DLG2: variants seen among roughly 807,000 people sequenced by gnomAD.
DLG2 encodes discs large MAGUK scaffold protein 2.
In DLG2, 45 loss-of-function variants were observed where a neutral mutation model predicts 132.5. The observed-to-expected ratio is 0.34, with a 90% CI of 0.27 to 0.44. The LOEUF is 0.44. DLG2 is among the 20% of genes least tolerant of loss of function. The pLI is 1.00. For synonymous variants in DLG2, 424 were observed against 419.6 expected, an observed-to-expected ratio of 1.01 and a Z score of -0.13; for missense variants, 1,045 against 1,196.9, an observed-to-expected ratio of 0.87 and a Z score of 1.87.
chr11:85,272,919 A>G (rs554088416), intron 4 of DLG2, among the ~76,000 whole-genome samples: 6 of 152,192 alleles, frequency 3.9e-5, no homozygotes, highest in South Asian at 4.1e-4. Flanking sequence ...TAGACCAATG[A>G]AACAGAACAG....
chr11:84,546,689 A>G (rs974099695), intron 6 of DLG2: 9 of 523,672 alleles, frequency 1.7e-5, no homozygotes, highest in Non-Finnish European at 2.6e-5. Flanking sequence ...CCCTGGAGCA[A>G]TTGGTGTTTG....
At chr11:84,026,003 TA>T (rs922320277) in intron 11 of DLG2, among the ~76,000 whole-genome samples, 13 of 151,976 alleles carry the variant, frequency 8.6e-5, no homozygotes, top group Admixed American at 1.3e-4. Flanking sequence ...TTCTGAAACT[TA>T]AAAAAAATTA....
rs111583314 is a variant in DLG2 at position 85,193,636 on chromosome 11, G to T, written c.187-38985C>A. ...CATTTCCCTAATGATTAATGTTATC[G>T]ATCATCTTTTTGTGTGTTTTAGCCA... On this transcript the variant is annotated intron_variant, in intron 4 of 27. Coordinates refer to ENST00000376104, the MANE Select transcript of DLG2 (RefSeq NM_001142699.3). Among the ~76,000 whole-genome samples, 438 of 152,102 alleles carry T rather than the reference G, an allele frequency of 2.9e-3. 2 individuals are homozygous for T. Among genetic ancestry groups the T allele is most frequent in the African/African-American group, 0.01 (420 of 41,492 alleles).
At chr11:84,287,683 T>A (rs1425493627) in intron 7 of DLG2, among the ~76,000 whole-genome samples, 1 of 151,320 alleles carries the variant, frequency 6.6e-6, no homozygotes, top group Non-Finnish European at 1.5e-5. Flanking sequence ...TCTCCTTTCT[T>A]CTCTCTTCCT....
rs192219263 is a variant in DLG2 at position 84,973,845 on chromosome 11, A to G, written c.357+137816T>C. ...TTCCATGAATACTTAATTTATAGAT[A>G]CTGAAATTTGAATTATGTATAATTT... On this transcript the variant is annotated intron_variant, in intron 6 of 27. Coordinates refer to ENST00000376104, the MANE Select transcript of DLG2 (RefSeq NM_001142699.3). Among the ~76,000 whole-genome samples, 167 of 152,286 alleles carry G rather than the reference A, an allele frequency of 1.1e-3. 1 individual carries two copies. Among genetic ancestry groups the G allele is most frequent in the African/African-American group, 3.8e-3 (156 of 41,566 alleles).
intron 19 of DLG2, among the ~76,000 whole-genome samples, chr11:83,579,697 G>A (rs1197598754): frequency 6.6e-6 from 1 of 152,092 alleles, no homozygotes; most frequent in Non-Finnish European, 1.5e-5. Flanking sequence ...TGGGCCAGGT[G>A]TGGTGGCTCA....
At chr11:83,806,209 T>C (rs771608793) in intron 17 of DLG2, among the ~76,000 whole-genome samples, 2 of 152,126 alleles carry the variant, frequency 1.3e-5, no homozygotes, top group Non-Finnish European at 2.9e-5. Flanking sequence ...CTGGCAGCAT[T>C]ACATGAATTT....
intron 7 of DLG2, among the ~76,000 whole-genome samples, chr11:84,458,480 C>T (rs1231826211): frequency 4.6e-5 from 7 of 150,672 alleles, no homozygotes; most frequent in African/African-American, 1.2e-4. Context: ...AAATCAGTAC[C>T]CATTGGTATT....
chr11:83,950,002 A>T (rs2084995899), intron 14 of DLG2, among the ~76,000 whole-genome samples: 1 of 152,168 alleles, frequency 6.6e-6, no homozygotes. Context: ...CTTATTTTCT[A>T]TATGGACTGT....
intron 6 of DLG2, chr11:84,923,130 A>G: frequency 6.2e-7 from 1 of 1,613,856 alleles, no homozygotes; most frequent in Non-Finnish European, 8.5e-7. Context: ...GCAGTAAATA[A>G]GGAGCATATG....
chr11:83,521,422 G>C (rs1480910658), intron 21 of DLG2, among the ~76,000 whole-genome samples: 1 of 152,060 alleles, frequency 6.6e-6, no homozygotes, highest in Non-Finnish European at 1.5e-5. Context: ...GACCTGGGTT[G>C]GTTTTCAGTT....
chr11:84,847,870 C>A (rs1282585713), intron 6 of DLG2, among the ~76,000 whole-genome samples: 1 of 151,942 alleles, frequency 6.6e-6, no homozygotes, highest in East Asian at 1.9e-4. Flanking sequence ...ACATTAAGAT[C>A]TTAATATACA....
At chr11:83,606,796 G>C (rs920930289) in intron 19 of DLG2, among the ~76,000 whole-genome samples, 1 of 152,004 alleles carries the variant, frequency 6.6e-6, no homozygotes, top group African/African-American at 2.4e-5. Flanking sequence ...GCATGGTGGC[G>C]GGCGCCTGTG....
intron 3 of DLG2, among the ~76,000 whole-genome samples, chr11:85,383,011 C>A (rs2086018730): frequency 6.6e-6 from 1 of 152,076 alleles, no homozygotes; most frequent in Non-Finnish European, 1.5e-5. Flanking sequence ...AACACATCCA[C>A]ACAAGAATCT....
At chr11:83,599,763 A>G (rs946593115) in intron 19 of DLG2, among the ~76,000 whole-genome samples, 1 of 152,176 alleles carries the variant, frequency 6.6e-6, no homozygotes, top group African/African-American at 2.4e-5. Context: ...GAGTCCTACT[A>G]GTTCTCTCTT....
intron 4 of DLG2, among the ~76,000 whole-genome samples, chr11:85,254,051 G>A (rs1442584828): frequency 3.3e-5 from 5 of 152,144 alleles, no homozygotes; most frequent in Admixed American, 6.6e-5. Context: ...GCAACATTCG[G>A]GCAGGAAAAC....
chr11:84,734,733 T>C lies in DLG2; in HGVS notation c.358-200002A>G, dbSNP rs1038330413. Among the ~76,000 whole-genome samples the C allele has an allele frequency of 6.6e-5, 10 of 152,172 alleles. No homozygotes were observed. In the East Asian group the frequency reaches 1.7e-3, roughly 27 times the overall value. On this transcript the variant is annotated intron_variant, in intron 6 of 27. Coordinates refer to ENST00000376104, the MANE Select transcript of DLG2 (RefSeq NM_001142699.3). ...CTTGTGCCAGTTTTCAAAGGGAATG[T>C]TTCCAGTTTTTGCCCATTCAGCAAG...
At chr11:84,078,211 AT>A (rs2096854110) in intron 10 of DLG2, among the ~76,000 whole-genome samples, 1 of 152,184 alleles carries the variant, frequency 6.6e-6, no homozygotes, top group South Asian at 2.1e-4. Flanking sequence ...TCCTTTTTTC[AT>A]TTCTGTATAT....
intron 6 of DLG2, among the ~76,000 whole-genome samples, chr11:84,809,173 A>G (rs945705181): frequency 6.6e-6 from 1 of 152,024 alleles, no homozygotes; most frequent in Non-Finnish European, 1.5e-5. Flanking sequence ...TAAACAGGCT[A>G]AAGAAGAGCA....
Sources: gnomAD v4.1 joint callset for allele counts (sites outside exome capture counted in the v4.1 genomes callset) on GRCh38, gnomAD v4.1.1 for gene constraint, MANE v1.5 for transcripts, NCBI Gene and HGNC (gene_info 2026-07-23, HGNC 2026-07-21) for gene names.